The following PPARA variants were observed in gnomAD, a reference collection of about 807,000 sequenced individuals.
PPARA encodes peroxisome proliferator-activated receptor alpha.
A neutral mutation model predicts 42.2 loss-of-function variants in PPARA; 22 were observed. The ratio of observed to expected loss-of-function variants is 0.52; its 90% CI spans 0.37 to 0.74. The LOEUF is 0.74. PPARA is among the 30% of genes least tolerant of loss of function. PPARA has a pLI of 0.00. For synonymous variants in PPARA, 242 were observed against 239.3 expected, an observed-to-expected ratio of 1.01 and a Z score of -0.10; for missense variants, 465 against 608.2, an observed-to-expected ratio of 0.76 and a Z score of 2.48.
rs980938245 is a variant in PPARA at position 46,203,288 on chromosome 22, C to A, written c.208+4697C>A. ...TGGGTAATATTCCTAGTTATGTAGA[C>A]TGGTCTCTCAGAAGAGCCGGATATT... On this transcript the variant is annotated intron_variant, in intron 4 of 8. Transcript: ENST00000407236. The surrounding 1 kb of genome is among the most constrained non-coding windows in gnomAD (Gnocchi z 5.8). Among the ~76,000 whole-genome samples the A allele has an allele frequency of 6.6e-6, 1 of 152,178 alleles. No individual in the cohort carries two copies. Among genetic ancestry groups the A allele is most frequent in the African/African-American group, 2.4e-5 (1 of 41,466 alleles).
Position 46,162,730 on chromosome 22 carries a change from C to T in PPARA, c.-127+10760C>T, listed in dbSNP as rs1016250644. 1.3e-5 allele frequency among the ~76,000 whole-genome samples: 2 copies of T among 152,106 alleles called. No individual in the cohort carries two copies. The highest frequency in any genetic ancestry group is 4.1e-4 in the South Asian group (2 of 4,830). ...CCTGTGGCTCCTGCCGGGTACCCAC[C>T]GGTTGAGATACCTCAAGTTTTAAAT... is the stretch of plus-strand genomic sequence containing the variant. On this transcript the variant is annotated intron_variant, in intron 2 of 8. Transcript: ENST00000407236. The surrounding 1 kb of genome is among the most constrained non-coding windows in gnomAD (Gnocchi z 6.0).
At chr22:46,214,701 G>C (rs1451439554) in intron 4 of PPARA, among the ~76,000 whole-genome samples, 1 of 150,236 alleles carries the variant, frequency 6.7e-6, no homozygotes, top group African/African-American at 2.5e-5. Context: ...TGGGTCCAGA[G>C]ATGTGCGGGT....
In PPARA at chr22:46,239,911, A is replaced by G. The variant is rs569009660; in HGVS notation, c.*4531A>G. 2.9e-4 allele frequency: 103 copies of G among 356,510 alleles called. 1 individual carries two copies. The East Asian group carries it at 4.2e-3, about 14-fold the overall frequency. The allele number at this position is 356,510 out of a possible 1,614,324, so 22.1% of individuals were successfully genotyped here. On this transcript the variant is annotated 3_prime_UTR_variant, in exon 9 of 9. Transcript: ENST00000407236. ...CGCACATCTGCTACTTACCAGCCGC[A>G]TACATGATGGAGGGTTTTTTGGTCC...
Position 46,196,202 on chromosome 22 carries a change from A to G in PPARA, c.-42-2140A>G, listed in dbSNP as rs149073832. 8.9e-4 allele frequency among the ~76,000 whole-genome samples: 135 copies of G among 152,366 alleles called. 2 individuals are homozygous for G. In the East Asian group the frequency reaches 0.021, roughly 24 times the overall value. On this transcript the variant is annotated intron_variant, in intron 3 of 8. Coordinates refer to ENST00000407236, the MANE Select transcript of PPARA (RefSeq NM_005036.6). The surrounding 1 kb of genome is among the most constrained non-coding windows in gnomAD (Gnocchi z 5.6). ...GCGAGAGCATGATACAGACTAACCC[A>G]GGAAGAACCGCTGCTTTGTCACTTA... is the stretch of plus-strand genomic sequence containing the variant.
chr22:46,221,428 C>A lies in PPARA; in HGVS notation c.711+1414C>A, dbSNP rs1001252532. Among the ~76,000 whole-genome samples, 1 of 152,212 alleles carries A rather than the reference C, an allele frequency of 6.6e-6. No individual in the cohort carries two copies. Among genetic ancestry groups the A allele is most frequent in the Non-Finnish European group, 1.5e-5 (1 of 68,040 alleles). ...CTTGGTCCTTTCTCCTAAAACTACT[C>A]CCTCCCTCTCAGACAAACATGCCTA... On this transcript the variant is annotated intron_variant, in intron 7 of 8. Transcript: ENST00000407236. The surrounding 1 kb of genome is among the most constrained non-coding windows in gnomAD (Gnocchi z 5.9).
Position 46,212,112 on chromosome 22 carries a change from G to A in PPARA, c.209-3061G>A, listed in dbSNP as rs1933996073. On this transcript the variant is annotated intron_variant, in intron 4 of 8. Transcript: ENST00000407236. The surrounding 1 kb of genome is among the most constrained non-coding windows in gnomAD (Gnocchi z 4.2). ...GTGACACCCAGGCTGGAGTACAGTG[G>A]CAGCATAATCTCAGCTCACTGTAGC... 6.6e-6 allele frequency among the ~76,000 whole-genome samples: 1 copy of A among 151,940 alleles called. No individual in the cohort carries two copies. The highest frequency in any genetic ancestry group is 2.1e-4 in the South Asian group (1 of 4,822).
chr22:46,188,564 C>T lies in PPARA; in HGVS notation c.-42-9778C>T, dbSNP rs185930646. Reference sequence around the variant, plus strand: ...TGGGCAAGTTACTCACTTCTCTCAACCTCTGCATTTTTCTTCTTTATAAAT... The same window carrying T: ...TGGGCAAGTTACTCACTTCTCTCAATCTCTGCATTTTTCTTCTTTATAAAT... On this transcript the variant is annotated intron_variant, in intron 3 of 8. Transcript: ENST00000407236. This position sits in a 1 kb window ranked among gnomAD's most constrained non-coding sequence, Gnocchi z 5.0. Among the ~76,000 whole-genome samples, 1 of 152,322 alleles carries T rather than the reference C, an allele frequency of 6.6e-6. No individual in the cohort carries two copies. Among genetic ancestry groups the T allele is most frequent in the East Asian group, 1.9e-4 (1 of 5,178 alleles).
At chr22:46,197,064 T>C (rs780389259) in intron 3 of PPARA, among the ~76,000 whole-genome samples, 8 of 151,374 alleles carry the variant, frequency 5.3e-5, no homozygotes, top group Non-Finnish European at 1.0e-4. Context: ...TTTGGTTTTT[T>C]TTTGAGACAC....
chr22:46,218,521 G>T, intron 6 of PPARA, 120 bp downstream of exon 6: 1 of 1,506,872 alleles, frequency 6.6e-7, no homozygotes, highest in Non-Finnish European at 9.2e-7. Context: ...AAGTCATTTT[G>T]TAATCAGAGT....
At chr22:46,205,519 CAT>C (rs552533545) in intron 4 of PPARA, among the ~76,000 whole-genome samples, 1,540 of 34,376 alleles carry the variant, frequency 0.045, 85 homozygotes, top group East Asian at 0.054. Flanking sequence ...CATGCCCAGC[CAT>C]ATATATATAT....
rs1935366827 is a variant in PPARA, at chr22:46,225,696, T to C, written c.711+5682T>C. Among the ~76,000 whole-genome samples, 1 of 135,840 alleles carries C rather than the reference T, an allele frequency of 7.4e-6. No individual in the cohort carries two copies. The highest frequency in any genetic ancestry group is 1.6e-5 in the Non-Finnish European group (1 of 63,316). 89.1% of individuals were successfully genotyped at this position (135,840 alleles called of 152,430 possible). On this transcript the variant is annotated intron_variant, in intron 7 of 8. Coordinates refer to ENST00000407236, the MANE Select transcript of PPARA (RefSeq NM_005036.6). This position sits in a 1 kb window ranked among gnomAD's most constrained non-coding sequence, Gnocchi z 4.1. ...GCACCTCCACCCCCATACATGCACATGGACACACACATGCACCCACACGCA... is the reference window on the plus strand; with the variant it reads ...GCACCTCCACCCCCATACATGCACACGGACACACACATGCACCCACACGCA...
chr22:46,175,140 T>A (rs1340697269), intron 2 of PPARA, among the ~76,000 whole-genome samples: 1 of 152,032 alleles, frequency 6.6e-6, no homozygotes, highest in African/African-American at 2.4e-5. Context: ...GATTCCTGAC[T>A]TCAAGTGATC....
At position 46,162,450 on chromosome 22, in the gene PPARA, T is replaced by C. The variant is rs1926343877; in HGVS notation, c.-127+10480T>C. On this transcript the variant is annotated intron_variant, in intron 2 of 8. Coordinates refer to ENST00000407236, the MANE Select transcript of PPARA (RefSeq NM_005036.6). This position sits in a 1 kb window ranked among gnomAD's most constrained non-coding sequence, Gnocchi z 6.0. ...CATACCCCGCCGCACCCCTGTGACC[T>C]CTACCTTTGAGACCTCAGCTTAAAC... Among the ~76,000 whole-genome samples the C allele has an allele frequency of 6.6e-6, 1 of 152,202 alleles. No individual in the cohort carries two copies. Among genetic ancestry groups the C allele is most frequent in the African/African-American group, 2.4e-5 (1 of 41,452 alleles).
chr22:46,172,405 G>C (rs974005898), intron 2 of PPARA, among the ~76,000 whole-genome samples: 2 of 152,004 alleles, frequency 1.3e-5, no homozygotes, highest in Admixed American at 1.3e-4. Context: ...GAGGTAGGTG[G>C]ATCACCTGAA....
Position 46,212,011 on chromosome 22 carries a change from C to T in PPARA, c.209-3162C>T, listed in dbSNP as rs996750970. On this transcript the variant is annotated intron_variant, in intron 4 of 8. Coordinates refer to ENST00000407236, the MANE Select transcript of PPARA (RefSeq NM_005036.6). This position sits in a 1 kb window ranked among gnomAD's most constrained non-coding sequence, Gnocchi z 4.2. Reference sequence around the variant, plus strand: ...CCGGTCTCTCTCCTTCCTTTCCTTTCCTCTCCTTTCCTTTTCTTTCTTTCT... The same window carrying T: ...CCGGTCTCTCTCCTTCCTTTCCTTTTCTCTCCTTTCCTTTTCTTTCTTTCT... Among the ~76,000 whole-genome samples the T allele has an allele frequency of 2.0e-5, 3 of 149,774 alleles. No homozygotes were observed. The highest frequency in any genetic ancestry group is 4.4e-5 in the Non-Finnish European group (3 of 67,524).
rs1411402659 is a variant in PPARA, at chr22:46,165,359, G to A, written c.-126-11394G>A. On this transcript the variant is annotated intron_variant, in intron 2 of 8. Coordinates refer to ENST00000407236, the MANE Select transcript of PPARA (RefSeq NM_005036.6). The surrounding 1 kb of genome is among the most constrained non-coding windows in gnomAD (Gnocchi z 5.5). Reference sequence around the variant, plus strand: ...GCCAGGGAACTGCATTTCTGACAGTGGCTCAGTAGTTTGGAAGTTAACTGG... The same window carrying A: ...GCCAGGGAACTGCATTTCTGACAGTAGCTCAGTAGTTTGGAAGTTAACTGG... The A allele has an allele frequency of 2.0e-5, 3 of 152,214 alleles. No homozygotes were observed. Among genetic ancestry groups the A allele is most frequent in the Non-Finnish European group, 4.4e-5 (3 of 68,068 alleles). The allele number at this position is 152,214 out of a possible 1,614,324, so 9.4% of individuals were successfully genotyped here. A position where few individuals can be genotyped will look rare whatever the true frequency, so the allele number is the denominator to read the frequency against.
Position 46,231,944 on chromosome 22 carries a change from G to A in PPARA, c.864G>A (p.Thr288=), listed in dbSNP as rs373080217. Residue 288 remains threonine, a synonymous_variant, in exon 8 of 9, where the codon ACG becomes ACA. Coordinates refer to ENST00000407236, the MANE Select transcript of PPARA (RefSeq NM_005036.6). This position sits in a 1 kb window ranked among gnomAD's most constrained non-coding sequence, Gnocchi z 7.7. ...CTSVETVTEL[T]EFAKAIPGFA... ...CAGTGGAGACCGTCACGGAGCTCAC[G>A]GAATTCGCCAAGGCCATCCCAGGCT... is the stretch of plus-strand genomic sequence containing the variant. The A allele has an allele frequency of 3.0e-5, 48 of 1,614,120 alleles. No homozygotes were observed. The highest frequency in any genetic ancestry group is 1.7e-4 in the Admixed American group (10 of 60,006).
At chr22:46,198,294 G>T in intron 3 of PPARA, 48 bp from the exon 4 acceptor site, 15 of 844,224 alleles carry the variant, frequency 1.8e-5, no homozygotes, top group Non-Finnish European at 2.5e-5. Flanking sequence ...ACAAACAAGT[G>T]AACGTTGTTA....
Position 46,203,444 on chromosome 22 carries a change from T to G in PPARA, c.208+4853T>G, listed in dbSNP as rs1039559964. 6.6e-6 allele frequency among the ~76,000 whole-genome samples: 1 copy of G among 152,188 alleles called. No individual in the cohort carries two copies. Among genetic ancestry groups the G allele is most frequent in the Non-Finnish European group, 1.5e-5 (1 of 68,040 alleles). Reference sequence around the variant, plus strand: ...CATAATTGACATACAATAAACTGCATGTATTTAAAGTGTACAATCTGTTGG... The same window carrying G: ...CATAATTGACATACAATAAACTGCAGGTATTTAAAGTGTACAATCTGTTGG... On this transcript the variant is annotated intron_variant, in intron 4 of 8. Coordinates refer to ENST00000407236, the MANE Select transcript of PPARA (RefSeq NM_005036.6). This position sits in a 1 kb window ranked among gnomAD's most constrained non-coding sequence, Gnocchi z 5.8.
Sources: gnomAD v4.1 joint callset for allele counts (sites outside exome capture counted in the v4.1 genomes callset) on GRCh38, gnomAD v4.1.1 for gene constraint, Gnocchi (gnomAD v3.1) non-coding constraint, MANE v1.5 for transcripts, NCBI Gene and HGNC (gene_info 2026-07-23, HGNC 2026-07-21) for gene names.